Variants in PHEX observed in about 807,000 individuals in gnomAD.
PHEX encodes the protein phosphate-regulating neutral endopeptidase PHEX.
In PHEX, 16 loss-of-function variants were observed where a neutral mutation model predicts 68.0. The observed-to-expected ratio is 0.24, with a 90% CI of 0.16 to 0.36. PHEX has a LOEUF of 0.36. Among genes scored for constraint, PHEX ranks in the 10% least tolerant of loss-of-function variants. PHEX has a pLI of 1.00. For missense variants in PHEX, 480 were observed against 575.5 expected (o/e 0.83, Z 1.70); for synonymous variants, 208 against 205.1 (o/e 1.01, Z -0.12).
intron 13 of PHEX, among the ~76,000 whole-genome samples, chrX:22,174,046 T>C (rs1446893139): frequency 8.9e-6 from 1 of 112,115 alleles, no homozygotes; most frequent in African/African-American, 3.2e-5. Context: ...ATAACTTTAT[T>C]CTTCCATTTA....
At chrX:22,066,422 T>G (rs914520367) in intron 3 of PHEX, among the ~76,000 whole-genome samples, 25 of 112,490 alleles carry the variant, frequency 2.2e-4, no homozygotes, top group African/African-American at 8.1e-4. Flanking sequence ...GATCATTGCT[T>G]CTTCTTTGTT....
intron 14 of PHEX, among the ~76,000 whole-genome samples, chrX:22,180,245 G>A (rs1298986460): frequency 9.0e-6 from 1 of 110,992 alleles, no homozygotes; most frequent in African/African-American, 3.3e-5. Context: ...CAGTTGCTCT[G>A]TGTGTGGGTT....
At chrX:22,102,399 G>T (rs891192138) in intron 9 of PHEX, among the ~76,000 whole-genome samples, 2 of 112,285 alleles carry the variant, frequency 1.8e-5, no homozygotes, top group Non-Finnish European at 3.8e-5. Flanking sequence ...GAAATGACAG[G>T]ATCTCATTCT....
intron 12 of PHEX, among the ~76,000 whole-genome samples, chrX:22,138,862 C>T (rs1009661044): frequency 1.8e-5 from 2 of 111,866 alleles, no homozygotes; most frequent in East Asian, 2.8e-4. Context: ...ATGGAAACCG[C>T]GGGCTGTGGC....
intron 13 of PHEX, among the ~76,000 whole-genome samples, chrX:22,169,622 C>A (rs140382016): frequency 6.3e-5 from 7 of 111,764 alleles, no homozygotes; most frequent in Non-Finnish European, 1.3e-4. Context: ...CTTGAGGGTC[C>A]TTTTTAGGCA....
chrX:22,196,125 G>A (rs1267110010), intron 15 of PHEX, among the ~76,000 whole-genome samples: 1 of 111,861 alleles, frequency 8.9e-6, no homozygotes, highest in Non-Finnish European at 1.9e-5. Flanking sequence ...ACAGCAGTGA[G>A]CTATGATTAT....
chrX:22,101,417 T>A (rs1930419317), intron 9 of PHEX, among the ~76,000 whole-genome samples: 2 of 112,032 alleles, frequency 1.8e-5, no homozygotes, highest in Non-Finnish European at 3.8e-5. Context: ...GGAAAAGTCT[T>A]CTTGGGTTCC....
intron 14 of PHEX, among the ~76,000 whole-genome samples, chrX:22,185,978 A>T (rs2063866870): frequency 9.2e-6 from 1 of 109,216 alleles, no homozygotes; most frequent in Non-Finnish European, 1.9e-5. Flanking sequence ...CTGGTTTCGA[A>T]CTCCTGACTT....
chrX:22,241,526 C>G (rs1290243079), intron 20 of PHEX, among the ~76,000 whole-genome samples: 1 of 110,816 alleles, frequency 9.0e-6, no homozygotes, highest in Non-Finnish European at 1.9e-5. Context: ...AGACCACTAG[C>G]CAGACTAATA....
chrX:22,204,618 G>A (rs1166696448), intron 15 of PHEX, among the ~76,000 whole-genome samples: 2 of 111,820 alleles, frequency 1.8e-5, no homozygotes, highest in Non-Finnish European at 3.8e-5. Context: ...TTAGTAGTCA[G>A]TGGTTATGCA....
At chrX:22,234,980 C>CTCCTG (rs1480754262) in intron 20 of PHEX, among the ~76,000 whole-genome samples, 1 of 111,988 alleles carries the variant, frequency 8.9e-6, no homozygotes, top group African/African-American at 3.2e-5. Flanking sequence ...CTGGAATCTC[C>CTCCTG]TCCTGTTCTG....
chrX:22,246,132 A>G (rs1178213856), intron 21 of PHEX, among the ~76,000 whole-genome samples: 3 of 112,142 alleles, frequency 2.7e-5, no homozygotes, highest in African/African-American at 9.7e-5. Context: ...TATGAATTGC[A>G]GTCTTATTTG....
chrX:22,220,940 A>T (rs1326402511), intron 17 of PHEX, among the ~76,000 whole-genome samples: 1 of 112,487 alleles, frequency 8.9e-6, no homozygotes, highest in African/African-American at 3.2e-5. Context: ...GAAAATGAAG[A>T]GTGAGCACAT....
chrX:22,156,055 G>A (rs1853577689), intron 12 of PHEX, among the ~76,000 whole-genome samples: 1 of 111,810 alleles, frequency 8.9e-6, no homozygotes. Context: ...TAATGTCAGG[G>A]CCTGTGAATT....
At chrX:22,187,626 G>A (rs1472139868) in intron 14 of PHEX, among the ~76,000 whole-genome samples, 1 of 111,654 alleles carries the variant, frequency 9.0e-6, no homozygotes, top group Non-Finnish European at 1.9e-5. Context: ...CAGGGATTAG[G>A]ACTTGGCCAT....
chrX:22,247,965 G>T lies in PHEX; in HGVS notation c.*12G>T. 8.8e-7 allele frequency: 1 copy of T among 1,133,073 alleles called. No individual in the cohort carries two copies. Among genetic ancestry groups the T allele is most frequent in the Non-Finnish European group, 1.2e-6 (1 of 823,562 alleles). The allele number at this position is 1,133,073 out of a possible 1,213,427, so 93.4% of individuals were successfully genotyped here. A position where few individuals can be genotyped will look rare whatever the true frequency, so the allele number is the denominator to read the frequency against. On this transcript the variant is annotated 3_prime_UTR_variant, in exon 22 of 22. Transcript: ENST00000379374. ...GCCGACTCTGGTAGCTGGGACGCTG[G>T]TTTATGGCATCCTGAGACAGTTGCA... is the stretch of plus-strand genomic sequence containing the variant.
In PHEX at chrX:22,197,135, T is replaced by G. The variant is rs760879487; in HGVS notation, c.1645+6633T>G. ...ATTTGGGAATAGTCTTCCATTGTTT[T>G]TAGAGCTAGAAAGAAACTTAAGTGG... is the stretch of plus-strand genomic sequence containing the variant. On this transcript the variant is annotated intron_variant, in intron 15 of 21. Coordinates refer to ENST00000379374, the MANE Select transcript of PHEX (RefSeq NM_000444.6). 8.9e-5 allele frequency among the ~76,000 whole-genome samples: 10 copies of G among 112,064 alleles called. No homozygotes were observed. The East Asian group carries it at 2.8e-3, about 31-fold the overall frequency.
At chrX:22,079,693 CCT>C (rs1929304420) in intron 5 of PHEX, among the ~76,000 whole-genome samples, 1 of 111,079 alleles carries the variant, frequency 9.0e-6, no homozygotes, top group Non-Finnish European at 1.9e-5. Flanking sequence ...AAGGGATCCC[CCT>C]ATTTTTGTTT....
At chrX:22,211,273 G>GA (rs758244229) in intron 15 of PHEX, among the ~76,000 whole-genome samples, 1 of 112,016 alleles carries the variant, frequency 8.9e-6, no homozygotes, top group Non-Finnish European at 1.9e-5. Context: ...CCAAAAGCAG[G>GA]AAAAAATGCC....
Sources: gnomAD v4.1 joint callset for allele counts (sites outside exome capture counted in the v4.1 genomes callset) on GRCh38, gnomAD v4.1.1 for gene constraint, MANE v1.5 for transcripts, NCBI Gene and HGNC (gene_info 2026-07-23, HGNC 2026-07-21) for gene names.